The following FRMPD2 variants were observed in gnomAD, a reference collection of about 807,000 sequenced individuals.
FRMPD2 encodes the protein FERM and PDZ domain-containing protein 2.
FRMPD2 carries 96 observed loss-of-function variants against 140.1 expected under a neutral mutation model. The observed-to-expected ratio is 0.69, with a 90% CI of 0.58 to 0.81. The LOEUF is 0.81. FRMPD2 is among the 40% of genes least tolerant of loss of function. The probability of loss-of-function intolerance (pLI) is 0.00; values close to 1 mark genes in which losing one functional copy is unlikely to be tolerated. For synonymous variants in FRMPD2, 449 were observed against 547.6 expected, an observed-to-expected ratio of 0.82 and a Z score of 2.52; for missense variants, 1,240 against 1,447.4, an observed-to-expected ratio of 0.86 and a Z score of 2.32.
chr10:48,254,329 A>G (rs1289894372), intron 1 of FRMPD2, among the ~76,000 whole-genome samples: 1 of 152,242 alleles, frequency 6.6e-6, no homozygotes. Flanking sequence ...AGGTAGGCCA[A>G]GATTTGTATC....
At chr10:48,236,354 G>A (rs1839967326) in intron 9 of FRMPD2, 128 bp downstream of exon 9, 1 of 779,186 alleles carries the variant, frequency 1.3e-6, no homozygotes. Flanking sequence ...TTCTGGCAGA[G>A]GTCTGGGGGA....
At chr10:48,176,707 T>C (rs550812202) in intron 22 of FRMPD2, among the ~76,000 whole-genome samples, 4,196 of 152,092 alleles carry the variant, frequency 0.028, 64 homozygotes, top group Non-Finnish European at 0.042. Context: ...GTTTTTCAGA[T>C]GAAAAATAGC....
At chr10:48,206,107 G>C (rs182571109) in intron 14 of FRMPD2, among the ~76,000 whole-genome samples, 1 of 152,160 alleles carries the variant, frequency 6.6e-6, no homozygotes, top group Non-Finnish European at 1.5e-5. Context: ...AGCCACCAGG[G>C]TACAGTGCCA....
chr10:48,269,473 C>G (rs1840731690), intron 1 of FRMPD2, among the ~76,000 whole-genome samples: 1 of 152,150 alleles, frequency 6.6e-6, no homozygotes, highest in African/African-American at 2.4e-5. Context: ...TGAAATGCAG[C>G]CTTCAGAGGG....
In FRMPD2 at chr10:48,232,112, T is replaced by G; in HGVS notation, c.1168+3A>C. ...AGCTGTGAGCTGCCCAAGAGATGCT[T>G]ACTTTTCATATACGCCAAGCCAAAG... On this transcript the variant is annotated splice_donor_region_variant and intron_variant, in intron 10 of 28. Transcript: ENST00000374201. The G allele has an allele frequency of 3.7e-6, 6 of 1,614,128 alleles. No homozygotes were observed. Among genetic ancestry groups the G allele is most frequent in the Non-Finnish European group, 5.1e-6 (6 of 1,180,002 alleles).
At chr10:48,229,780 A>G (rs1455773322) in intron 10 of FRMPD2, among the ~76,000 whole-genome samples, 1 of 152,178 alleles carries the variant, frequency 6.6e-6, no homozygotes, top group Non-Finnish European at 1.5e-5. Context: ...TGGCCATTCT[A>G]AGTCCTTATC....
chr10:48,223,035 C>A (rs960315845), intron 11 of FRMPD2, 88 bp downstream of exon 11: 1 of 1,226,306 alleles, frequency 8.2e-7, no homozygotes, highest in Non-Finnish European at 1.1e-6. Flanking sequence ...TTACAGTTTG[C>A]AAAGCACTTG....
chr10:48,195,737 A>G (rs1410142448), intron 15 of FRMPD2, among the ~76,000 whole-genome samples: 2 of 152,276 alleles, frequency 1.3e-5, no homozygotes, highest in Non-Finnish European at 2.9e-5. Context: ...AATATCAAAA[A>G]TGGGAAGGGT....
In FRMPD2 at chr10:48,239,597, C is replaced by T. The variant is rs1448239094; in HGVS notation, c.788+8G>A. ...AGTTCACAGCACCCTTTAGGCCTTG[C>T]TGCTTACCGGTTAACAAGGAGGCTG... On this transcript the variant is annotated splice_region_variant and intron_variant, in intron 7 of 28. Coordinates refer to ENST00000374201, the MANE Select transcript of FRMPD2 (RefSeq NM_001018071.4). 1.9e-6 allele frequency: 3 copies of T among 1,611,420 alleles called. No homozygotes were observed. The highest frequency in any genetic ancestry group is 1.7e-5 in the Admixed American group (1 of 60,010).
intron 15 of FRMPD2, among the ~76,000 whole-genome samples, chr10:48,193,239 A>G (rs889218424): frequency 1.3e-5 from 2 of 152,142 alleles, no homozygotes; most frequent in Non-Finnish European, 2.9e-5. Context: ...CAGCTGCCCC[A>G]TCCCCTTCTG....
At chr10:48,207,101 T>C (rs1231196185) in intron 13 of FRMPD2, among the ~76,000 whole-genome samples, 168 bp from the exon 14 acceptor site, 2 of 151,644 alleles carry the variant, frequency 1.3e-5, no homozygotes, top group African/African-American at 2.4e-5. Flanking sequence ...ATTTGCTATG[T>C]ACAAAATTTC....
chr10:48,195,809 C>T (rs1838937585), intron 15 of FRMPD2, among the ~76,000 whole-genome samples: 1 of 152,232 alleles, frequency 6.6e-6, no homozygotes, highest in Admixed American at 6.5e-5. Flanking sequence ...CATGTATTAA[C>T]CACTTCCCAT....
At chr10:48,242,099 C>A in intron 5 of FRMPD2, 62 bp downstream of exon 5, 1 of 1,205,402 alleles carries the variant, frequency 8.3e-7, no homozygotes, top group Non-Finnish European at 1.2e-6. Flanking sequence ...ATAACTAATT[C>A]AAATTTTAAT....
rs761256842 is a variant in FRMPD2 at position 48,206,760 on chromosome 10, C to A, written c.1785G>T (p.Lys595Asn). 3.1e-6 allele frequency: 5 copies of A among 1,613,788 alleles called. No individual in the cohort carries two copies. The Admixed American group carries it at 8.3e-5, about 27-fold the overall frequency. Residue 595 changes from lysine to asparagine, a missense_variant, in exon 14 of 29, where the codon AAG becomes AAT. Physicochemically the swap from Lys to Asn is moderately conservative, Grantham distance 94. Around this residue, in one of 6 missense-constraint regions of FRMPD2, gnomAD observed 1,161 missense variants for 1,055.9 expected, o/e 1.10. Transcript: ENST00000374201. ...GAGCTACACTCACATAAGTAGAAAT[C>A]TTCCCGGTTTCTCTCCACTGAAACC... ...MLRFQWRETG[K>N]ISTYQKKFTI...
At chr10:48,252,069 TTC>T (rs1005450946) in intron 1 of FRMPD2, among the ~76,000 whole-genome samples, 1 of 152,156 alleles carries the variant, frequency 6.6e-6, no homozygotes, top group African/African-American at 2.4e-5. Context: ...CCTCCTCTCC[TTC>T]TCTCTCTGGA....
chr10:48,237,292 T>C (rs1016917458), intron 8 of FRMPD2, among the ~76,000 whole-genome samples: 2 of 152,130 alleles, frequency 1.3e-5, no homozygotes, highest in African/African-American at 2.4e-5. Context: ...GAGTTCCCAA[T>C]AGAAGTATCT....
intron 16 of FRMPD2, among the ~76,000 whole-genome samples, chr10:48,192,388 A>G (rs979396324): frequency 6.6e-6 from 1 of 152,092 alleles, no homozygotes; most frequent in African/African-American, 2.4e-5. Context: ...TCAGGTTGAG[A>G]CCAGCCTGAC....
At chr10:48,196,433 C>CAT (rs1838952086) in intron 15 of FRMPD2, among the ~76,000 whole-genome samples, 1 of 152,198 alleles carries the variant, frequency 6.6e-6, no homozygotes, top group Non-Finnish European at 1.5e-5. Flanking sequence ...TGTGACGTGC[C>CAT]TCCATTTCAA....
chr10:48,193,000 T>C, intron 15 of FRMPD2, 106 bp from the exon 16 acceptor site: 1 of 808,712 alleles, frequency 1.2e-6, no homozygotes. Context: ...CTCCTCCTCC[T>C]TTCTTTTTCT....
Sources: allele counts gnomAD v4.1 joint callset (sites outside exome capture counted in the v4.1 genomes callset), GRCh38; gene constraint gnomAD v4.1.1; regional missense constraint gnomAD v4.1.1; transcripts MANE v1.5; gene names NCBI Gene and HGNC (gene_info 2026-07-23, HGNC 2026-07-21).